The following GLMN variants were observed in gnomAD, a reference collection of about 807,000 sequenced individuals.
GLMN encodes the protein glomulin.
Under a neutral mutation model 87.8 loss-of-function variants are expected in GLMN, and 75 were observed. That is an observed-to-expected ratio of 0.85 (90% confidence interval 0.71 to 1.04). GLMN has a LOEUF of 1.04. Ranked by LOEUF, GLMN falls within the 50% of genes least tolerant of loss-of-function variation. The pLI is 0.00. For synonymous variants in GLMN, 206 were observed against 221.6 expected (o/e 0.93, Z 0.63); for missense variants, 588 against 658.8 (o/e 0.89, Z 1.18).
chr1:92,272,462 A>G (rs1656336737), intron 7 of GLMN, among the ~76,000 whole-genome samples: 1 of 152,252 alleles, frequency 6.6e-6, no homozygotes, highest in African/African-American at 2.4e-5. Flanking sequence ...CATAGTTTAA[A>G]AAGTTTAAAA....
the GLMN span, among the ~76,000 whole-genome samples, chr1:92,355,321 T>C: frequency 7.6e-4 from 116 of 152,310 alleles, no homozygotes; most frequent in Non-Finnish European, 8.2e-4. Flanking sequence ...CTTAACTTCA[T>C]TGACTATTGT....
the GLMN span, among the ~76,000 whole-genome samples, chr1:92,314,351 G>GT: frequency 0.12 from 16,289 of 136,612 alleles, 2,174 homozygotes; most frequent in African/African-American, 0.34. Flanking sequence ...TGGTTTTTGG[G>GT]TTTTTTTTTT....
At chr1:92,327,550 A>T in the GLMN span, among the ~76,000 whole-genome samples, 1 of 152,154 alleles carries the variant, frequency 6.6e-6, no homozygotes, top group African/African-American at 2.4e-5. Context: ...GTGAATCCTT[A>T]TGTGTCAGGT....
intron 5 of GLMN, 84 bp downstream of exon 5, chr1:92,290,114 T>C (rs1176623741): frequency 8.7e-6 from 7 of 807,274 alleles, no homozygotes; most frequent in Non-Finnish European, 1.5e-5. Context: ...AACTTTACTT[T>C]GGTGTAGTAT....
chr1:92,263,669 A>G lies in GLMN; in HGVS notation c.1363T>C (p.Phe455Leu). 1 of 1,601,728 alleles carries G rather than the reference A, an allele frequency of 6.2e-7. No homozygotes were observed. The highest frequency in any genetic ancestry group is 1.7e-5 in the Admixed American group (1 of 59,996). Residue 455 changes from phenylalanine to leucine, a missense_variant, in exon 15 of 19, where the codon TTT becomes CTT. Coordinates refer to ENST00000370360, the MANE Select transcript of GLMN (RefSeq NM_053274.3). ...QLISLLDLVL[F>L]LPEGAETDLL... ...TCTGTTTCTGCACCCTCTGGGAGAA[A>G]AAGTACCAAATCAAGAAGGGAAATC... is the stretch of plus-strand genomic sequence containing the variant.
the GLMN span, among the ~76,000 whole-genome samples, chr1:92,337,430 G>A: frequency 6.6e-6 from 1 of 152,066 alleles, no homozygotes; most frequent in Non-Finnish European, 1.5e-5. Flanking sequence ...TTTTCAGTAA[G>A]TCTTTTACTA....
chr1:92,285,470 G>C (rs1239505033), intron 7 of GLMN, among the ~76,000 whole-genome samples: 2 of 152,140 alleles, frequency 1.3e-5, no homozygotes, highest in African/African-American at 2.4e-5. Flanking sequence ...GTTGGGGCGT[G>C]GGGGGCTGGG....
upstream of GLMN, among the ~76,000 whole-genome samples, chr1:92,303,191 T>C (rs1459322442): frequency 6.6e-6 from 1 of 152,216 alleles, no homozygotes; most frequent in East Asian, 1.9e-4. Flanking sequence ...TAGATCTTTT[T>C]CTAAACAGGA....
chr1:92,342,246 T>A, the GLMN span, among the ~76,000 whole-genome samples: 2 of 151,902 alleles, frequency 1.3e-5, no homozygotes, highest in South Asian at 4.2e-4. Context: ...CGAAAGGAGG[T>A]AAGGGAGCAA....
At chr1:92,282,767 A>T (rs994090146) in intron 7 of GLMN, among the ~76,000 whole-genome samples, 5 of 152,228 alleles carry the variant, frequency 3.3e-5, no homozygotes, top group Admixed American at 6.5e-5. Flanking sequence ...AGAATCAAAT[A>T]GATGCAATAA....
chr1:92,359,217 T>A, the GLMN span, among the ~76,000 whole-genome samples: 1 of 152,226 alleles, frequency 6.6e-6, no homozygotes. Flanking sequence ...TCAAACATAA[T>A]TTTAAGATAT....
At chr1:92,271,714 G>T in intron 7 of GLMN, 62 bp from the exon 8 acceptor site, 1 of 1,094,408 alleles carries the variant, frequency 9.1e-7, no homozygotes, top group Non-Finnish European at 1.4e-6. Flanking sequence ...CCCACCCCGT[G>T]TATTCAAACT....
intron 13 of GLMN, among the ~76,000 whole-genome samples, chr1:92,265,429 T>C (rs1655512340): frequency 6.6e-6 from 1 of 151,754 alleles, no homozygotes; most frequent in Non-Finnish European, 1.5e-5. Flanking sequence ...TACCTAAGAA[T>C]TGAGATTTCA....
chr1:92,273,880 C>T (rs1265104121), intron 7 of GLMN, among the ~76,000 whole-genome samples: 2 of 152,174 alleles, frequency 1.3e-5, no homozygotes, highest in Non-Finnish European at 2.9e-5. Context: ...ATCCAGCAGT[C>T]TTGCTCAGAT....
chr1:92,333,423 T>G, the GLMN span: 1 of 1,613,568 alleles, frequency 6.2e-7, no homozygotes, highest in Non-Finnish European at 8.5e-7. Flanking sequence ...TAGACTCAAG[T>G]TCCCAGAACC....
the GLMN span, among the ~76,000 whole-genome samples, chr1:92,365,808 A>C: frequency 6.6e-6 from 1 of 152,198 alleles, no homozygotes; most frequent in Non-Finnish European, 1.5e-5. Flanking sequence ...TCTTAAAATG[A>C]ATCAGACATG....
chr1:92,288,311 C>G (rs1184580349), intron 6 of GLMN, among the ~76,000 whole-genome samples: 1 of 152,174 alleles, frequency 6.6e-6, no homozygotes, highest in African/African-American at 2.4e-5. Flanking sequence ...ATTTCCCACA[C>G]TCACCCTGAG....
At chr1:92,298,112 T>G in intron 1 of GLMN, 83 bp from the exon 2 acceptor site, 1 of 697,092 alleles carries the variant, frequency 1.4e-6, no homozygotes, top group South Asian at 1.6e-5. Context: ...GATAAATTAT[T>G]AGTAAATACA....
chr1:92,256,224 G>C (rs1165150105), intron 16 of GLMN, among the ~76,000 whole-genome samples: 2 of 151,784 alleles, frequency 1.3e-5, no homozygotes, highest in African/African-American at 4.8e-5. Context: ...TCCCTGAATA[G>C]ACCAATAATA....
Sources: gnomAD v4.1 joint callset for allele counts (sites outside exome capture counted in the v4.1 genomes callset) on GRCh38, gnomAD v4.1.1 for gene constraint, MANE v1.5 for transcripts, NCBI Gene and HGNC (gene_info 2026-07-23, HGNC 2026-07-21) for gene names.